The following KCNIP4 variants were observed in gnomAD, a reference collection of about 807,000 sequenced individuals.
KCNIP4 encodes potassium voltage-gated channel interacting protein 4, also known as Kv channel-interacting protein 4.
KCNIP4 carries 12 observed loss-of-function variants against 34.0 expected under a neutral mutation model. The observed-to-expected ratio is 0.35, with a 90% CI of 0.23 to 0.57. The LOEUF (loss-of-function observed/expected upper bound fraction) is 0.57, where lower values mean the gene tolerates loss of function less well. KCNIP4 is among the 20% of genes least tolerant of loss of function. The pLI is 0.83. For synonymous variants in KCNIP4, 124 were observed against 102.2 expected (o/e 1.21, Z -1.29); for missense variants, 238 against 311.7 (o/e 0.76, Z 1.78).
At chr4:21,370,599 T>A (rs1720243340) in intron 1 of KCNIP4, among the ~76,000 whole-genome samples, 1 of 140,514 alleles carries the variant, frequency 7.1e-6, no homozygotes, top group South Asian at 2.2e-4. Context: ...AGTAGGGAGA[T>A]TTTCTGGTTT....
intron 1 of KCNIP4, among the ~76,000 whole-genome samples, chr4:20,894,695 A>G (rs7677781): frequency 0.74 from 112,301 of 152,118 alleles, 41,762 homozygotes; most frequent in East Asian, 0.84. Flanking sequence ...AACATTAATT[A>G]AGCACCTATT....
At chr4:20,800,437 A>G (rs1343500309) in intron 3 of KCNIP4, among the ~76,000 whole-genome samples, 3 of 152,254 alleles carry the variant, frequency 2.0e-5, no homozygotes, top group Non-Finnish European at 4.4e-5. Flanking sequence ...GACCCCAATG[A>G]AATGGAAATT....
At chr4:21,272,885 A>T (rs59469634) in intron 1 of KCNIP4, among the ~76,000 whole-genome samples, 4,901 of 152,258 alleles carry the variant, frequency 0.032, 294 homozygotes, top group African/African-American at 0.11. Context: ...AATTATCTAC[A>T]GCACAATTAT....
At chr4:21,507,613 T>A (rs1237852223) in intron 1 of KCNIP4, among the ~76,000 whole-genome samples, 2 of 152,180 alleles carry the variant, frequency 1.3e-5, no homozygotes, top group Non-Finnish European at 2.9e-5. Flanking sequence ...TGCAGCTTTT[T>A]AAATTTGTCA....
At chr4:21,731,629 T>A (rs1715610083) in intron 1 of KCNIP4, among the ~76,000 whole-genome samples, 1 of 152,106 alleles carries the variant, frequency 6.6e-6, no homozygotes, top group South Asian at 2.1e-4. Flanking sequence ...GCTTAAAATC[T>A]GAAAATTTTA....
At chr4:21,729,491 T>C (rs1715434009) in intron 1 of KCNIP4, among the ~76,000 whole-genome samples, 1 of 152,154 alleles carries the variant, frequency 6.6e-6, no homozygotes, top group African/African-American at 2.4e-5. Context: ...GTGACGAGAA[T>C]TTCACCATGT....
intron 1 of KCNIP4, among the ~76,000 whole-genome samples, chr4:21,332,826 G>A (rs1390540462): frequency 6.6e-6 from 1 of 151,956 alleles, no homozygotes; most frequent in African/African-American, 2.4e-5. Flanking sequence ...ATATCATACT[G>A]TTCCTCAAAA....
chr4:21,018,602 C>A (rs995272585), intron 1 of KCNIP4, among the ~76,000 whole-genome samples: 1 of 152,112 alleles, frequency 6.6e-6, no homozygotes, highest in Admixed American at 6.6e-5. Flanking sequence ...ATTGCTGAAC[C>A]TATTGACACT....
chr4:21,370,800 AATATATATATATATAT>A (rs1173506757), intron 1 of KCNIP4, among the ~76,000 whole-genome samples: 211 of 17,948 alleles, frequency 0.012, 1 homozygote, highest in African/African-American at 0.024. Context: ...CATGGATTGA[AATATATATATATATAT>A]ATATATATAT....
At chr4:20,817,582 G>A (rs1160807046) in intron 3 of KCNIP4, among the ~76,000 whole-genome samples, 1 of 150,620 alleles carries the variant, frequency 6.6e-6, no homozygotes, top group Non-Finnish European at 1.5e-5. Context: ...TTATTTCTCT[G>A]TTTTACCTTT....
chr4:21,441,488 A>T (rs751975763), intron 1 of KCNIP4, among the ~76,000 whole-genome samples: 2 of 152,132 alleles, frequency 1.3e-5, no homozygotes, highest in Non-Finnish European at 2.9e-5. Context: ...CACTCACAAG[A>T]GTCCTAATTT....
In KCNIP4 at chr4:21,200,805, AT is replaced by A. The variant is rs898735824; in HGVS notation, c.62-318097del. 3.2e-4 allele frequency among the ~76,000 whole-genome samples: 49 copies of A among 151,098 alleles called. No individual in the cohort carries two copies. The East Asian group carries it at 6.0e-3, about 19-fold the overall frequency. Reference sequence around the variant, plus strand: ...AGCTACTGAAATAAAAAAAATAAAAATTTTTTTTTTTAAAAAAAGCATCGTT... The same window carrying A: ...AGCTACTGAAATAAAAAAAATAAAAATTTTTTTTTTAAAAAAAGCATCGTT... On this transcript the variant is annotated intron_variant, in intron 1 of 8. Transcript: ENST00000382152.
chr4:20,963,425 A>G (rs1734045651), intron 1 of KCNIP4, among the ~76,000 whole-genome samples: 1 of 152,086 alleles, frequency 6.6e-6, no homozygotes, highest in African/African-American at 2.4e-5. Flanking sequence ...TATTATTCCT[A>G]TTATATGAAC....
intron 1 of KCNIP4, among the ~76,000 whole-genome samples, chr4:21,638,070 T>C (rs193034210): frequency 1.4e-4 from 21 of 152,252 alleles, no homozygotes; most frequent in Admixed American, 1.4e-3. Context: ...ATATAACACA[T>C]CAGTACTTTT....
rs151284082 is a variant in KCNIP4 at position 20,879,935 on chromosome 4, A to G, written c.163+2673T>C. Among the ~76,000 whole-genome samples the G allele has an allele frequency of 6.1e-4, 93 of 152,328 alleles. 2 individuals carry two copies. In the East Asian group the frequency reaches 0.018, roughly 29 times the overall value. On this transcript the variant is annotated intron_variant, in intron 2 of 8. Transcript: ENST00000382152. ...AGCCATTTATCATGGTGCTATTTAT[A>G]TTGAGAGTGGGAGGTAAAAAGAGGA... is the stretch of plus-strand genomic sequence containing the variant.
At chr4:20,946,578 T>C (rs57164342) in intron 1 of KCNIP4, among the ~76,000 whole-genome samples, 107 of 152,288 alleles carry the variant, frequency 7.0e-4, no homozygotes, top group African/African-American at 2.5e-3. Context: ...AATCTTGGAA[T>C]CTCAGCACGC....
intron 1 of KCNIP4, among the ~76,000 whole-genome samples, chr4:20,945,141 TG>T (rs1264522567): frequency 5.9e-5 from 9 of 152,170 alleles, no homozygotes; most frequent in Non-Finnish European, 8.8e-5. Context: ...GGACATCCTT[TG>T]GGAGCTGTGA....
chr4:20,742,994 A>G (rs947908035), intron 5 of KCNIP4, among the ~76,000 whole-genome samples: 2 of 152,098 alleles, frequency 1.3e-5, no homozygotes, highest in Non-Finnish European at 2.9e-5. Context: ...ATACCTAGGA[A>G]TCCAACTTAT....
intron 1 of KCNIP4, among the ~76,000 whole-genome samples, chr4:21,112,042 T>C (rs901403170): frequency 6.6e-6 from 1 of 151,852 alleles, no homozygotes; most frequent in African/African-American, 2.4e-5. Flanking sequence ...TCTATCTATC[T>C]ATCTATCTAT....
Sources: gnomAD v4.1 joint callset for allele counts (sites outside exome capture counted in the v4.1 genomes callset) on GRCh38, gnomAD v4.1.1 for gene constraint, MANE v1.5 for transcripts, NCBI Gene and HGNC (gene_info 2026-07-23, HGNC 2026-07-21) for gene names.